The following LINS1 variants were observed in gnomAD, a reference collection of about 807,000 sequenced individuals.
LINS1 encodes lines homolog 1.
Under a neutral mutation model 41.6 loss-of-function variants are expected in LINS1, and 27 were observed. The ratio of observed to expected loss-of-function variants is 0.65; its 90% confidence interval spans 0.48 to 0.89. LINS1 has a LOEUF of 0.89. LINS1 is among the 40% of genes least tolerant of loss of function. The pLI is 0.00. For synonymous variants in LINS1, 336 were observed against 312.9 expected (o/e 1.07, Z -0.78); for missense variants, 955 against 884.1 (o/e 1.08, Z -1.02).
Position 100,580,801 on chromosome 15 carries a change from C to T in LINS1, c.42G>A (p.Lys14=). 1 of 1,611,524 alleles carries T rather than the reference C, an allele frequency of 6.2e-7. No homozygotes were observed. Among genetic ancestry groups the T allele is most frequent in the Non-Finnish European group, 8.5e-7 (1 of 1,178,464 alleles). The stretch of plus-strand genomic sequence containing the variant: ...TTTCAAGTGTGGCTCCAAGAAGTAC[C>T]TTCTTGTATAACTCTTCTAAAACTT... ...FCEVLEELYK[K]VLLGATLEND... is the part of the protein sequence containing the mutation. Residue 14 remains lysine, a synonymous_variant, in exon 2 of 7, where the codon AAG becomes AAA. Transcript: ENST00000314742.
chr15:100,595,848 C>T (rs2039220736), intron 1 of LINS1, among the ~76,000 whole-genome samples: 2 of 152,198 alleles, frequency 1.3e-5, no homozygotes, highest in African/African-American at 4.8e-5. Context: ...GCAGTGACAA[C>T]TGTCGCGGAA....
At chr15:100,589,119 T>C (rs1246465829) in intron 1 of LINS1, among the ~76,000 whole-genome samples, 1 of 152,190 alleles carries the variant, frequency 6.6e-6, no homozygotes, top group Non-Finnish European at 1.5e-5. Context: ...AAAGTAAAAG[T>C]TGCTAAGAGT....
intron 3 of LINS1, among the ~76,000 whole-genome samples, chr15:100,575,602 T>C (rs866050097): frequency 2.6e-5 from 4 of 152,244 alleles, no homozygotes; most frequent in African/African-American, 9.6e-5. Context: ...ACTGTCAACA[T>C]TAGACAGAAC....
At position 100,580,910 on chromosome 15, in the gene LINS1, G is replaced by A. The variant is rs995627750; in HGVS notation, c.-68C>T. The A allele has an allele frequency of 7.1e-7, 1 of 1,410,548 alleles. No homozygotes were observed. Among genetic ancestry groups the A allele is most frequent in the African/African-American group, 1.4e-5 (1 of 70,028 alleles). The allele number at this position is 1,410,548 out of a possible 1,614,324, so 87.4% of individuals were successfully genotyped here. On this transcript the variant is annotated 5_prime_UTR_variant, in exon 2 of 7. Transcript: ENST00000314742. ...AAGTTGTAAACATTAAATCTCAGAA[G>A]TGCAATGAATCTCTAAGAAGTTTCT... is the stretch of plus-strand genomic sequence containing the variant.
In LINS1 at chr15:100,573,697, G is replaced by C; in HGVS notation, c.1176C>G (p.Ser392=). 1.2e-6 allele frequency: 2 copies of C among 1,610,784 alleles called. No homozygotes were observed. Among genetic ancestry groups the C allele is most frequent in the Non-Finnish European group, 1.7e-6 (2 of 1,178,502 alleles). The change falls in exon 5 of 7, where the codon TCC becomes TCG. Residue 392 remains serine, a synonymous_variant. Coordinates refer to ENST00000314742, the MANE Select transcript of LINS1 (RefSeq NM_001040616.3). The stretch of plus-strand genomic sequence containing the variant: ...AATAATTTTGAAACTTGATTTCTAA[G>C]GATTTCATTATAACTAAGCTTGCTG... ...LRAASLVIMK[S]LEIKFQNYSS...
At chr15:100,570,941 A>G (rs1314291188) in intron 6 of LINS1, among the ~76,000 whole-genome samples, 1 of 152,262 alleles carries the variant, frequency 6.6e-6, no homozygotes, top group African/African-American at 2.4e-5. Context: ...ACACAAAGTC[A>G]GTTTCATTCA....
intron 1 of LINS1, among the ~76,000 whole-genome samples, chr15:100,598,336 T>G (rs1204773295): frequency 6.6e-6 from 1 of 152,234 alleles, no homozygotes; most frequent in Non-Finnish European, 1.5e-5. Flanking sequence ...AAGTATATTT[T>G]AGTACCGTTT....
chr15:100,598,438 G>A (rs1189739976), intron 1 of LINS1, among the ~76,000 whole-genome samples: 1 of 152,194 alleles, frequency 6.6e-6, no homozygotes, highest in Non-Finnish European at 1.5e-5. Context: ...ATTATAAACA[G>A]TAGTATCCAT....
rs184996286 is a variant in LINS1, at chr15:100,596,350, A to G, written c.-104+5771T>C. ...TAATTTGTATTTCTAACAAGTTTCC[A>G]GGTTACTTCTGAGATAGTGAGAATA... On this transcript the variant is annotated intron_variant, in intron 1 of 6. Transcript: ENST00000314742. Among the ~76,000 whole-genome samples, 565 of 152,338 alleles carry G rather than the reference A, an allele frequency of 3.7e-3. 4 individuals carry two copies. Among genetic ancestry groups the G allele is most frequent in the Non-Finnish European group, 5.9e-3 (402 of 68,034 alleles).
chr15:100,574,310 T>C (rs1398864079), intron 4 of LINS1, 69 bp from the exon 5 acceptor site: 3 of 1,008,698 alleles, frequency 3.0e-6, no homozygotes, highest in Non-Finnish European at 4.6e-6. Flanking sequence ...ACAATTCACT[T>C]TTTATAAATA....
rs1532765 is a variant in LINS1 at position 100,574,954 on chromosome 15, T to C, written c.631+33A>G. 0.16 allele frequency: 258,353 copies of C among 1,604,062 alleles called. 23,573 individuals carry two copies. Among genetic ancestry groups the C allele is most frequent in the Admixed American group, 0.37 (21,980 of 59,914 alleles). On this transcript the variant is annotated intron_variant, in intron 4 of 6. Coordinates refer to ENST00000314742, the MANE Select transcript of LINS1 (RefSeq NM_001040616.3). ...AAATGCAACGCTCCCAGGAGCAAGA[T>C]GATGATTGTTTATGGGGCCATGTAA...
At chr15:100,572,939 A>G in intron 5 of LINS1, 1 of 573,422 alleles carries the variant, frequency 1.7e-6, no homozygotes. Context: ...CAGAGACGAG[A>G]GGATCACTTC....
intron 5 of LINS1, 127 bp downstream of exon 5, chr15:100,573,524 T>A (rs893028942): frequency 1.3e-6 from 1 of 756,760 alleles, no homozygotes; most frequent in Non-Finnish European, 2.0e-6. Context: ...ATGTAATAAG[T>A]TACAAATAGG....
At chr15:100,580,402 T>A (rs760159770) in intron 2 of LINS1, 42 bp downstream of exon 2, 1 of 1,607,412 alleles carries the variant, frequency 6.2e-7, no homozygotes, top group Admixed American at 1.7e-5. Context: ...GTTCTTAAAA[T>A]TATTTTAAAT....
intron 1 of LINS1, among the ~76,000 whole-genome samples, chr15:100,596,338 T>C (rs1481239700): frequency 1.3e-5 from 2 of 152,234 alleles, no homozygotes; most frequent in African/African-American, 2.4e-5. Flanking sequence ...TTTGTATTTC[T>C]AACAAGTTTC....
chr15:100,569,340 G>A lies in LINS1; in HGVS notation c.2172C>T (p.Cys724=). Reference sequence around the variant, plus strand: ...GGAAAAGATTTTTCTTTTGCAAACGGCAGATGGCATCTTGTAGTTCCTGGA... The same window carrying A: ...GGAAAAGATTTTTCTTTTGCAAACGACAGATGGCATCTTGTAGTTCCTGGA... The part of the protein sequence containing the change: ...KCFQELQDAI[C]RLQKKNLFPY... The change falls in exon 7 of 7, where the codon TGC becomes TGT. Residue 724 remains cysteine (C), a synonymous_variant. Coordinates refer to ENST00000314742, the MANE Select transcript of LINS1 (RefSeq NM_001040616.3). 1 of 1,613,990 alleles carries A rather than the reference G, an allele frequency of 6.2e-7. No individual in the cohort carries two copies. Among genetic ancestry groups the A allele is most frequent in the East Asian group, 2.2e-5 (1 of 44,868 alleles).
rs529432189 is a variant in LINS1 at position 100,589,018 on chromosome 15, A to C, written c.-103-8073T>G. Among the ~76,000 whole-genome samples, 4 of 152,232 alleles carry C rather than the reference A, an allele frequency of 2.6e-5. No homozygotes were observed. The South Asian group carries it at 6.2e-4, about 24-fold the overall frequency. On this transcript the variant is annotated intron_variant, in intron 1 of 6. Transcript: ENST00000314742. ...ACACATGGAGTTAGATGCTAGAAAA[A>C]GTCAGACTTTATCTGCATTTCTTTC...
chr15:100,568,680 A>G lies in LINS1; in HGVS notation c.*558T>C, dbSNP rs1217239641. On this transcript the variant is annotated 3_prime_UTR_variant, in exon 7 of 7. Coordinates refer to ENST00000314742, the MANE Select transcript of LINS1 (RefSeq NM_001040616.3). ...CGTGGCAAGTTGTTACGGCAGCCCTAGCTGAGGAACGCAATCACCACCCCC... is the reference window on the plus strand; with the variant it reads ...CGTGGCAAGTTGTTACGGCAGCCCTGGCTGAGGAACGCAATCACCACCCCC... 1 of 153,134 alleles carries G rather than the reference A, an allele frequency of 6.5e-6. No homozygotes were observed. Among genetic ancestry groups the G allele is most frequent in the African/African-American group, 2.4e-5 (1 of 41,444 alleles). The allele number at this position is 153,134 out of a possible 1,614,324, so 9.5% of individuals were successfully genotyped here.
chr15:100,572,105 A>T, intron 5 of LINS1, 40 bp from the exon 6 acceptor site: 1 of 1,609,398 alleles, frequency 6.2e-7, no homozygotes, highest in Non-Finnish European at 8.5e-7. Flanking sequence ...GCAATAGTTT[A>T]TGAATGAATG....
Sources: allele counts gnomAD v4.1 joint callset (sites outside exome capture counted in the v4.1 genomes callset), GRCh38; gene constraint gnomAD v4.1.1; transcripts MANE v1.5; gene names NCBI Gene and HGNC (gene_info 2026-07-23, HGNC 2026-07-21).